FGF13: variants seen among roughly 807,000 people sequenced by gnomAD.
FGF13 encodes fibroblast growth factor homologous factor 2.
Under a neutral mutation model 19.5 loss-of-function variants are expected in FGF13, and 2 were observed. The ratio of observed to expected loss-of-function variants is 0.10; its 90% CI spans 0.04 to 0.32. The LOEUF is 0.32. Among genes scored for constraint, FGF13 ranks in the 10% least tolerant of loss-of-function variants. FGF13 has a pLI of 1.00. For synonymous variants in FGF13, 72 were observed against 76.9 expected (o/e 0.94, Z 0.33); for missense variants, 113 against 192.7 (o/e 0.59, Z 2.45).
At chrX:138,919,783 C>G (rs769881494) in intron 1 of FGF13, among the ~76,000 whole-genome samples, 22 of 109,761 alleles carry the variant, frequency 2.0e-4, no homozygotes, top group Non-Finnish European at 3.4e-4. Context: ...TGTTAACTGT[C>G]ACGGTGGTTA....
At chrX:139,015,661 T>C (rs1394591527) in intron 1 of FGF13, among the ~76,000 whole-genome samples, 2 of 111,252 alleles carry the variant, frequency 1.8e-5, no homozygotes, top group African/African-American at 6.5e-5. Flanking sequence ...CTCAATGCAA[T>C]CTCTATCAAA....
chrX:138,883,975 C>T (rs756021756), intron 1 of FGF13, among the ~76,000 whole-genome samples: 37 of 112,185 alleles, frequency 3.3e-4, no homozygotes, highest in African/African-American at 8.4e-4. Flanking sequence ...AGTTAGAAGA[C>T]GTGGGGTCTA....
chrX:138,703,142 T>A, intron 2 of FGF13, 55 bp from the exon 3 acceptor site: 1 of 943,647 alleles, frequency 1.1e-6, no homozygotes. Context: ...TTCAGAACTT[T>A]TCAATGTTTC....
intron 1 of FGF13, 128 bp from the exon 2 acceptor site, chrX:138,709,056 G>A: frequency 5.2e-6 from 2 of 386,781 alleles, no homozygotes; most frequent in East Asian, 4.0e-5. Flanking sequence ...CTTTTAAGGT[G>A]TCTGGAAGAA....
intron 1 of FGF13, among the ~76,000 whole-genome samples, chrX:139,159,712 T>C (rs1603226493): frequency 9.4e-6 from 1 of 105,910 alleles, no homozygotes. Context: ...AAAACAGAGT[T>C]TAAACCAACA....
chrX:139,110,951 AG>A (rs1322916417), intron 1 of FGF13, among the ~76,000 whole-genome samples: 1 of 111,514 alleles, frequency 9.0e-6, no homozygotes, highest in African/African-American at 3.3e-5. Context: ...CTCCCTTTGG[AG>A]GGCCAGTTTT....
At chrX:138,885,923 T>C (rs1346753670) in intron 1 of FGF13, among the ~76,000 whole-genome samples, 1 of 109,439 alleles carries the variant, frequency 9.1e-6, no homozygotes, top group African/African-American at 3.3e-5. Context: ...CCAATGTTCA[T>C]ATATTTCCCT....
chrX:138,742,757 G>A (rs1488590897), upstream of FGF13, among the ~76,000 whole-genome samples: 2 of 111,893 alleles, frequency 1.8e-5, no homozygotes, highest in East Asian at 2.8e-4. Context: ...TAGACACATC[G>A]AAGGCAATAA....
intron 1 of FGF13, among the ~76,000 whole-genome samples, chrX:138,919,897 C>A (rs1459558911): frequency 9.1e-6 from 1 of 110,263 alleles, no homozygotes; most frequent in Non-Finnish European, 1.9e-5. Flanking sequence ...AAAGATTTTA[C>A]CAATGGTTTT....
chrX:138,895,457 T>A (rs1259456563), intron 1 of FGF13, among the ~76,000 whole-genome samples: 1 of 112,119 alleles, frequency 8.9e-6, no homozygotes, highest in Non-Finnish European at 1.9e-5. Context: ...AATAAGTATA[T>A]GAAAAGGTAT....
At chrX:138,742,066 A>G (rs1314091930), upstream of FGF13, among the ~76,000 whole-genome samples, 2 of 111,806 alleles carry the variant, frequency 1.8e-5, no homozygotes, top group Non-Finnish European at 3.8e-5. Context: ...TTCTCTAGAA[A>G]GAATTTTCTG....
chrX:139,099,030 C>T (rs1425505122), intron 1 of FGF13, among the ~76,000 whole-genome samples: 1 of 111,274 alleles, frequency 9.0e-6, no homozygotes, highest in African/African-American at 3.3e-5. Flanking sequence ...CCTCTGTACC[C>T]CTGCTAGGAG....
chrX:139,105,798 C>T (rs1263846862), intron 1 of FGF13, among the ~76,000 whole-genome samples: 6 of 112,083 alleles, frequency 5.4e-5, no homozygotes, highest in Non-Finnish European at 9.4e-5. Context: ...TCCTGGCTGG[C>T]ATGTCTAGAA....
intron 3 of FGF13, among the ~76,000 whole-genome samples, chrX:138,763,115 G>C (rs907742262): frequency 9.1e-6 from 1 of 110,385 alleles, no homozygotes; most frequent in Non-Finnish European, 1.9e-5. Flanking sequence ...ATGTTTATGT[G>C]TATGTATTAT....
At chrX:138,915,310 C>T (rs927269815) in intron 1 of FGF13, among the ~76,000 whole-genome samples, 6 of 111,928 alleles carry the variant, frequency 5.4e-5, no homozygotes, top group East Asian at 2.8e-4. Flanking sequence ...TAGGAAGAAG[C>T]TGACTTAAGA....
intron 3 of FGF13, among the ~76,000 whole-genome samples, chrX:138,824,728 T>G (rs2091022612): frequency 9.0e-6 from 1 of 111,638 alleles, no homozygotes; most frequent in Admixed American, 9.6e-5. Flanking sequence ...GCCCATGATA[T>G]GTTAACATTT....
At chrX:138,932,666 A>G (rs1405850399) in intron 1 of FGF13, among the ~76,000 whole-genome samples, 2 of 107,825 alleles carry the variant, frequency 1.9e-5, no homozygotes, top group African/African-American at 6.8e-5. Context: ...GATAACCCCA[A>G]CTGAAAATAG....
intron 1 of FGF13, among the ~76,000 whole-genome samples, chrX:139,146,667 C>T (rs900378964): frequency 2.7e-5 from 3 of 111,993 alleles, no homozygotes; most frequent in African/African-American, 9.8e-5. Flanking sequence ...TACACATACA[C>T]ATGTATGTTT....
intron 2 of FGF13, among the ~76,000 whole-genome samples, chrX:138,861,740 C>T (rs2091289125): frequency 8.9e-6 from 1 of 112,068 alleles, no homozygotes; most frequent in Admixed American, 9.5e-5. Flanking sequence ...TGGTGGCTCA[C>T]GCCTGTAATC....
Sources: allele counts gnomAD v4.1 joint callset (sites outside exome capture counted in the v4.1 genomes callset), GRCh38; gene constraint gnomAD v4.1.1; transcripts MANE v1.5; gene names NCBI Gene and HGNC (gene_info 2026-07-23, HGNC 2026-07-21).